The following USP18 variants were observed in gnomAD, a reference collection of about 807,000 sequenced individuals.
The protein encoded by USP18 is ubl carboxyl-terminal hydrolase 18.
In USP18, 11 loss-of-function variants were observed where a neutral mutation model predicts 48.7. That is an observed-to-expected ratio of 0.23 (90% confidence interval 0.14 to 0.37). USP18 has a LOEUF of 0.37. Among genes scored for constraint, USP18 ranks in the 10% least tolerant of loss-of-function variants. USP18 has a pLI of 1.00. For synonymous variants in USP18, 114 were observed against 163.2 expected, an observed-to-expected ratio of 0.70 and a Z score of 2.30; for missense variants, 285 against 436.4, an observed-to-expected ratio of 0.65 and a Z score of 3.09.
At chr22:18,170,021 C>CCA in intron 7 of USP18, 82 bp downstream of exon 7, 1 of 1,443,494 alleles carries the variant, frequency 6.9e-7, no homozygotes, top group Non-Finnish European at 9.5e-7. Flanking sequence ...TTACCAAAAT[C>CCA]CACACACACT....
At chr22:18,160,066 G>A (rs1454101487) in intron 2 of USP18, 106 bp from the exon 3 acceptor site, 68 of 1,052,268 alleles carry the variant, frequency 6.5e-5, no homozygotes, top group Non-Finnish European at 9.5e-5. Context: ...CGCCCACCTC[G>A]GCCTCCCAAA....
intron 5 of USP18, among the ~76,000 whole-genome samples, chr22:18,167,565 G>A (rs1352192400): frequency 1.3e-5 from 2 of 151,980 alleles, no homozygotes; most frequent in Admixed American, 6.6e-5. Context: ...GGGCGTGGTG[G>A]CGGGAGCCTG....
intron 2 of USP18, 75 bp downstream of exon 2, chr22:18,157,895 G>A: frequency 5.1e-6 from 8 of 1,570,934 alleles, no homozygotes; most frequent in African/African-American, 2.7e-5. Context: ...CTCTGAAGCC[G>A]CAGAGCTTTG....
In USP18 at chr22:18,160,209, C is replaced by T. The variant is rs1212996565; in HGVS notation, c.195C>T (p.Cys65=). The T allele has an allele frequency of 2.5e-6, 4 of 1,614,076 alleles. No individual in the cohort carries two copies. The highest frequency in any genetic ancestry group is 3.4e-6 in the Non-Finnish European group (4 of 1,180,028). Reference sequence around the variant, plus strand: ...TACACAACATTGGACAGACCTGCTGCCTTAACTCCTTGATTCAGGTGTTCG... The same window carrying T: ...TACACAACATTGGACAGACCTGCTGTCTTAACTCCTTGATTCAGGTGTTCG... The part of the protein sequence containing the change: ...VGLHNIGQTC[C]LNSLIQVFVM... Residue 65 remains cysteine, a synonymous_variant, in exon 3 of 11, where the codon TGC becomes TGT. Transcript: ENST00000215794.
intron 3 of USP18, among the ~76,000 whole-genome samples, chr22:18,160,540 G>T: frequency 6.6e-6 from 1 of 152,030 alleles, no homozygotes. Flanking sequence ...CTGACCTCGT[G>T]ATCCACCCAC....
chr22:18,165,564 C>T (rs998568639), intron 4 of USP18, among the ~76,000 whole-genome samples: 4 of 144,404 alleles, frequency 2.8e-5, no homozygotes, highest in Non-Finnish European at 1.5e-5. Context: ...TATCACCTTT[C>T]GCCTACCCCT....
chr22:18,158,929 C>T (rs910165717), intron 2 of USP18, among the ~76,000 whole-genome samples: 1 of 149,834 alleles, frequency 6.7e-6, no homozygotes, highest in Non-Finnish European at 1.5e-5. Context: ...GTTATGCTTT[C>T]TCTAATGTTT....
chr22:18,161,710 A>G, intron 3 of USP18, 80 bp from the exon 4 acceptor site: 5 of 1,345,020 alleles, frequency 3.7e-6, no homozygotes, highest in Non-Finnish European at 4.9e-6. Flanking sequence ...AAGATTTAAA[A>G]TTTCTCCCAG....
In USP18 at chr22:18,163,178, G is replaced by GGTAA. The variant is rs888201778; in HGVS notation, c.400+1245_400+1248dup. 4.2e-4 allele frequency among the ~76,000 whole-genome samples: 64 copies of GGTAA among 152,032 alleles called. 1 individual carries two copies. Among genetic ancestry groups the GGTAA allele is most frequent in the African/African-American group, 1.5e-3 (61 of 41,440 alleles). On this transcript the variant is annotated intron_variant, in intron 4 of 10. Coordinates refer to ENST00000215794, the MANE Select transcript of USP18 (RefSeq NM_017414.4). ...GTTCATGCATTGCTGTCCTAGACATGGTAAGCATCTTCATGATCATTATTC... is the reference window on the plus strand; with the variant it reads ...GTTCATGCATTGCTGTCCTAGACATGGTAAGTAAGCATCTTCATGATCATTATTC...
intron 1 of USP18, among the ~76,000 whole-genome samples, chr22:18,153,156 C>T (rs1458993750): frequency 2.0e-5 from 3 of 152,090 alleles, no homozygotes; most frequent in South Asian, 4.1e-4. Flanking sequence ...AGGCTGGGCG[C>T]GGTGGCTCAT....
At chr22:18,151,908 G>T (rs1199028612) in intron 1 of USP18, among the ~76,000 whole-genome samples, 1 of 152,076 alleles carries the variant, frequency 6.6e-6, no homozygotes, top group Non-Finnish European at 1.5e-5. Flanking sequence ...AAAAATATTA[G>T]CTGGGCGTGG....
chr22:18,165,838 G>A (rs1003984855), intron 4 of USP18, among the ~76,000 whole-genome samples: 3 of 150,026 alleles, frequency 2.0e-5, no homozygotes, highest in Non-Finnish European at 4.4e-5. Context: ...CCGGAAAGGC[G>A]CCAACTCAGC....
At chr22:18,169,770 G>A (rs572275065) in intron 6 of USP18, 74 bp from the exon 7 acceptor site, 1 of 1,516,130 alleles carries the variant, frequency 6.6e-7, no homozygotes, top group African/African-American at 1.4e-5. Context: ...ACAGCAGTGT[G>A]AGAACAGATG....
intron 1 of USP18, among the ~76,000 whole-genome samples, chr22:18,152,729 CTTCACT>C: frequency 6.6e-6 from 1 of 152,112 alleles, no homozygotes; most frequent in East Asian, 1.9e-4. Flanking sequence ...ACCTTTTAAG[CTTCACT>C]TTCCTTTCCT....
chr22:18,152,564 G>A (rs1209581518), intron 1 of USP18, among the ~76,000 whole-genome samples: 1 of 151,808 alleles, frequency 6.6e-6, no homozygotes, highest in African/African-American at 2.4e-5. Context: ...AAGACCCCGC[G>A]CCTGGCCTGG....
At chr22:18,156,267 C>T (rs987810591) in intron 1 of USP18, among the ~76,000 whole-genome samples, 6 of 152,140 alleles carry the variant, frequency 3.9e-5, no homozygotes, top group Non-Finnish European at 7.3e-5. Flanking sequence ...TAAAACAGAC[C>T]AATTGGCTGT....
chr22:18,173,987 T>G, intron 10 of USP18, 145 bp downstream of exon 10: 2 of 1,067,404 alleles, frequency 1.9e-6, no homozygotes, highest in Non-Finnish European at 2.7e-6. Context: ...CACCACCCCA[T>G]GTTTGCCTCA....
At chr22:18,150,718 C>A (rs545747720) in intron 1 of USP18, among the ~76,000 whole-genome samples, 2 of 152,340 alleles carry the variant, frequency 1.3e-5, no homozygotes, top group East Asian at 3.9e-4. Flanking sequence ...GTAATCCCAG[C>A]ACTTTGGGAG....
chr22:18,157,717 G>T lies in USP18; in HGVS notation c.54G>T (p.Glu18Asp), dbSNP rs1354626432. Reference sequence around the variant, plus strand: ...AAATCTGTCAGTCCATCCTGGCTGAGTCCTCGCAGTCCCCGGCAGATCTTG... The same window carrying T: ...AAATCTGTCAGTCCATCCTGGCTGATTCCTCGCAGTCCCCGGCAGATCTTG... ...LRQICQSILA[E>D]SSQSPADLEE... is the part of the protein sequence containing the mutation. The change falls in exon 2 of 11, where the codon GAG becomes GAT. Residue 18 changes from glutamate to aspartate, a missense_variant. Glu to Asp is a conservative substitution (Grantham distance 45). Transcript: ENST00000215794. 1.2e-6 allele frequency: 2 copies of T among 1,614,090 alleles called. No individual in the cohort carries two copies. Among genetic ancestry groups the T allele is most frequent in the Admixed American group, 3.3e-5 (2 of 60,000 alleles).
Sources: allele counts gnomAD v4.1 joint callset (sites outside exome capture counted in the v4.1 genomes callset), GRCh38; gene constraint gnomAD v4.1.1; transcripts MANE v1.5; gene names NCBI Gene and HGNC (gene_info 2026-07-23, HGNC 2026-07-21).